GRIK3: variants seen among roughly 807,000 people sequenced by gnomAD.
GRIK3 encodes glutamate receptor ionotropic, kainate 3.
Under a neutral mutation model 102.5 loss-of-function variants are expected in GRIK3, and 29 were observed. That is an observed-to-expected ratio of 0.28 (90% CI 0.21 to 0.39). The LOEUF (loss-of-function observed/expected upper bound fraction) is 0.39, where lower values mean the gene tolerates loss of function less well. Ranked by LOEUF, GRIK3 falls within the 10% of genes least tolerant of loss-of-function variation. The probability of loss-of-function intolerance (pLI) is 1.00; values close to 1 mark genes in which losing one functional copy is unlikely to be tolerated. For synonymous variants in GRIK3, 511 were observed against 504.9 expected, an observed-to-expected ratio of 1.01 and a Z score of -0.16; for missense variants, 908 against 1,252.4, an observed-to-expected ratio of 0.73 and a Z score of 4.15.
At position 36,949,019 on chromosome 1, in the gene GRIK3, A is replaced by G. The variant is rs188881164; in HGVS notation, c.116-57923T>C. Among the ~76,000 whole-genome samples the G allele has an allele frequency of 1.8e-3, 268 of 152,292 alleles. 2 individuals are homozygous for G. Among genetic ancestry groups the G allele is most frequent in the Middle Eastern group, 0.01 (3 of 294 alleles). ...GCTGGGTGGCTCAGACTGCCTGGGA[A>G]GAAGGGCAGCACGCAGTCTATGGGG... On this transcript the variant is annotated intron_variant, in intron 1 of 15. Coordinates refer to ENST00000373091, the MANE Select transcript of GRIK3 (RefSeq NM_000831.4).
Position 36,819,752 on chromosome 1 carries a change from TC to T in GRIK3, c.1856del (p.Gly619AspfsTer3). On this transcript the variant is annotated frameshift_variant, in exon 12 of 16. Coordinates refer to ENST00000373091, the MANE Select transcript of GRIK3 (RefSeq NM_000831.4). LOFTEE classifies it high-confidence loss of function. This position sits in a 1 kb window ranked among gnomAD's most constrained non-coding sequence, Gnocchi z 4.1. ...GGTGCATACCTTGCTGCATCAGGGA[TC>T]CCATTCCAAACCAGAAGCTGTTAAG... ...TLLNSFWFGMGSLMQQGSELM... is the reference protein window; with the variant it reads ...TLLNSFWFGMXSLMQQGSELM... The T allele has an allele frequency of 6.4e-7, 1 of 1,571,728 alleles. No individual in the cohort carries two copies.
chr1:36,961,205 T>C (rs1642005018), intron 1 of GRIK3, among the ~76,000 whole-genome samples: 1 of 152,074 alleles, frequency 6.6e-6, no homozygotes, highest in Non-Finnish European at 1.5e-5. Flanking sequence ...ACCCACATCC[T>C]CACTCAGCCG....
At chr1:36,948,669 C>T (rs1641809789) in intron 1 of GRIK3, among the ~76,000 whole-genome samples, 1 of 152,158 alleles carries the variant, frequency 6.6e-6, no homozygotes, top group South Asian at 2.1e-4. Flanking sequence ...CATCTGTGCA[C>T]ACAGCTCCAT....
intron 1 of GRIK3, among the ~76,000 whole-genome samples, chr1:36,995,034 G>A (rs1334604298): frequency 2.0e-5 from 3 of 152,160 alleles, no homozygotes; most frequent in African/African-American, 7.2e-5. Flanking sequence ...CAGAGCGGCA[G>A]GCCTGAGAGC....
chr1:36,962,552 T>C (rs564170826), intron 1 of GRIK3, among the ~76,000 whole-genome samples: 3 of 151,386 alleles, frequency 2.0e-5, no homozygotes, highest in African/African-American at 4.9e-5. Flanking sequence ...GCCAGGGCCC[T>C]GGGTTTGTGT....
At chr1:36,817,874 A>G (rs709289) in intron 12 of GRIK3, among the ~76,000 whole-genome samples, 29,155 of 152,240 alleles carry the variant, frequency 0.19, 3,426 homozygotes, top group African/African-American at 0.33. Flanking sequence ...TACAAATGGT[A>G]TACAAATACA....
At chr1:36,935,554 TC>T (rs1641647423) in intron 1 of GRIK3, among the ~76,000 whole-genome samples, 1 of 149,822 alleles carries the variant, frequency 6.7e-6, no homozygotes, top group Non-Finnish European at 1.5e-5. Flanking sequence ...CCATCTCTTC[TC>T]CCCACCCTGC....
chr1:36,807,537 C>T (rs879595019), intron 13 of GRIK3, among the ~76,000 whole-genome samples: 1 of 152,128 alleles, frequency 6.6e-6, no homozygotes, highest in Non-Finnish European at 1.5e-5. Flanking sequence ...AACAGGCTGG[C>T]GCAGGACTGG....
intron 5 of GRIK3, among the ~76,000 whole-genome samples, chr1:36,860,229 G>A (rs1399744783): frequency 6.6e-6 from 1 of 152,200 alleles, no homozygotes; most frequent in Non-Finnish European, 1.5e-5. Flanking sequence ...TTGGGCAACT[G>A]ATCCTCCATG....
rs1479046850 is a variant in GRIK3, at chr1:36,912,039, C to A, written c.116-20943G>T. Among the ~76,000 whole-genome samples the A allele has an allele frequency of 2.0e-5, 3 of 152,262 alleles. 1 individual carries two copies. The highest frequency in any genetic ancestry group is 6.8e-3 in the Middle Eastern group (2 of 294). On this transcript the variant is annotated intron_variant, in intron 1 of 15. Coordinates refer to ENST00000373091, the MANE Select transcript of GRIK3 (RefSeq NM_000831.4). ...CCCATCCAGCCCAGCCTCTCTTCAG[C>A]GTCCACTCTTCCAGGCAGGGTGTCC...
At chr1:36,991,903 C>T (rs760363467) in intron 1 of GRIK3, among the ~76,000 whole-genome samples, 10 of 152,236 alleles carry the variant, frequency 6.6e-5, no homozygotes, top group Non-Finnish European at 1.3e-4. Flanking sequence ...CAAGACTTGG[C>T]TTGGGGCAGT....
In GRIK3 at chr1:36,958,807, G is replaced by A. The variant is rs186632350; in HGVS notation, c.116-67711C>T. Among the ~76,000 whole-genome samples the A allele has an allele frequency of 5.2e-4, 57 of 109,222 alleles. 3 individuals carry two copies. Among genetic ancestry groups the A allele is most frequent in the Admixed American group, 2.3e-3 (25 of 10,938 alleles). The allele number at this position is 109,222 out of a possible 152,430, so 71.7% of individuals were successfully genotyped here. A position where few individuals can be genotyped will look rare whatever the true frequency, so the allele number is the denominator to read the frequency against. On this transcript the variant is annotated intron_variant, in intron 1 of 15. Transcript: ENST00000373091. ...TGTGTGCCCAATGAGCCTGTGTCCC[G>A]TGAGCCTGTGTGCCCTGTGAGTCTG...
intron 1 of GRIK3, among the ~76,000 whole-genome samples, chr1:37,018,268 C>T (rs1323112593): frequency 1.4e-4 from 21 of 152,118 alleles, no homozygotes; most frequent in Admixed American, 1.3e-3. Context: ...AGAATCTGGC[C>T]CATAATAGGA....
intron 1 of GRIK3, among the ~76,000 whole-genome samples, chr1:37,027,870 G>C (rs904780149): frequency 6.6e-6 from 1 of 152,206 alleles, no homozygotes; most frequent in African/African-American, 2.4e-5. Flanking sequence ...AGACAGAGAA[G>C]GGTAAGTCTG....
Position 37,034,070 on chromosome 1 carries a change from C to A in GRIK3, c.39G>T (p.Trp13Cys), listed in dbSNP as rs765764721. The change falls in exon 1 of 16, where the codon TGG (tryptophan) becomes TGT (cysteine). Residue 13 changes from tryptophan to cysteine, a missense_variant. Physicochemically the swap from Trp to Cys is radical, Grantham distance 215. Around this residue, in one of 3 missense-constraint regions of GRIK3, gnomAD observed 585 missense variants for 824.9 expected, o/e 0.71. Coordinates refer to ENST00000373091, the MANE Select transcript of GRIK3 (RefSeq NM_000831.4). ...APWRRLRSLV[W>C]EYWAGLLVCA... Reference sequence around the variant, plus strand: ...ACACGAGGAGCCCGGCCCAGTATTCCCAAACCAGACTCCGGAGGCGCCGCC... The same window carrying A: ...ACACGAGGAGCCCGGCCCAGTATTCACAAACCAGACTCCGGAGGCGCCGCC... 6.2e-7 allele frequency: 1 copy of A among 1,600,046 alleles called. No homozygotes were observed. The highest frequency in any genetic ancestry group is 8.5e-7 in the Non-Finnish European group (1 of 1,174,470).
chr1:36,953,415 A>G lies in GRIK3; in HGVS notation c.116-62319T>C, dbSNP rs557051815. On this transcript the variant is annotated intron_variant, in intron 1 of 15. Coordinates refer to ENST00000373091, the MANE Select transcript of GRIK3 (RefSeq NM_000831.4). ...GTGTGCCAAGTGAAGGGCAGGAGTC[A>G]TCCTAAAAGCAATGGTGAGCTATTG... 1.3e-5 allele frequency among the ~76,000 whole-genome samples: 2 copies of G among 152,294 alleles called. 1 individual carries two copies. The highest frequency in any genetic ancestry group is 4.1e-4 in the South Asian group (2 of 4,826).
At chr1:37,003,734 G>T (rs926285221) in intron 1 of GRIK3, among the ~76,000 whole-genome samples, 1 of 152,080 alleles carries the variant, frequency 6.6e-6, no homozygotes, top group African/African-American at 2.4e-5. Context: ...CAGCCCCTTG[G>T]GTGGGTACTA....
intron 13 of GRIK3, among the ~76,000 whole-genome samples, chr1:36,811,072 G>T (rs548629885): frequency 2.0e-5 from 3 of 152,214 alleles, no homozygotes; most frequent in Admixed American, 2.0e-4. Context: ...TCTGTAAAAC[G>T]GGTGTTGTAA....
intron 13 of GRIK3, among the ~76,000 whole-genome samples, chr1:36,807,807 G>A (rs1040129476): frequency 1.3e-5 from 2 of 152,126 alleles, no homozygotes; most frequent in South Asian, 4.2e-4. Context: ...CCTTCTTTGG[G>A]CACAGGGCTG....
Sources: allele counts gnomAD v4.1 joint callset (sites outside exome capture counted in the v4.1 genomes callset), GRCh38; gene constraint gnomAD v4.1.1; regional missense constraint gnomAD v4.1.1; non-coding constraint Gnocchi (gnomAD v3.1); transcripts MANE v1.5; gene names NCBI Gene and HGNC (gene_info 2026-07-23, HGNC 2026-07-21).